Variants in SETDB1 observed in about 807,000 individuals in gnomAD.
SETDB1 encodes the protein histone-lysine N-methyltransferase SETDB1.
Under a neutral mutation model 137.4 loss-of-function variants are expected in SETDB1, and 31 were observed. That is an observed-to-expected ratio of 0.23 (90% CI 0.17 to 0.30). The LOEUF (loss-of-function observed/expected upper bound fraction) is 0.30, where lower values mean the gene tolerates loss of function less well. SETDB1 is among the 10% of genes least tolerant of loss of function. The pLI, the probability that SETDB1 is intolerant of heterozygous loss-of-function variation, is 1.00. For missense variants in SETDB1, 1,113 were observed against 1,631.5 expected, an observed-to-expected ratio of 0.68 and a Z score of 5.47; for synonymous variants, 548 against 579.9, an observed-to-expected ratio of 0.95 and a Z score of 0.79.
intron 19 of SETDB1, 65 bp from the exon 20 acceptor site, chr1:150,963,465 A>T: frequency 7.7e-7 from 1 of 1,307,076 alleles, no homozygotes; most frequent in Non-Finnish European, 1.1e-6. Flanking sequence ...TAGAATGTCC[A>T]TTCATGATAG....
At chr1:150,943,609 G>T (rs1174759060) in intron 7 of SETDB1, among the ~76,000 whole-genome samples, 2 of 152,216 alleles carry the variant, frequency 1.3e-5, no homozygotes, top group East Asian at 3.8e-4. Flanking sequence ...CTGGGAGGCA[G>T]TGGTTGCCAT....
intron 3 of SETDB1, among the ~76,000 whole-genome samples, chr1:150,933,642 G>A (rs983690146): frequency 4.0e-5 from 6 of 151,830 alleles, no homozygotes; most frequent in Non-Finnish European, 8.8e-5. Flanking sequence ...CTCTCAAAGT[G>A]CTAGAATTAC....
intron 1 of SETDB1, 69 bp downstream of exon 1, chr1:150,926,586 G>T (rs587742878): frequency 2.5e-6 from 1 of 400,666 alleles, no homozygotes; most frequent in South Asian, 1.8e-5. Context: ...TGTGGGAGGG[G>T]GTCGGGCGAG....
At chr1:150,946,159 A>G (rs1039549326) in intron 9 of SETDB1, among the ~76,000 whole-genome samples, 5 of 152,012 alleles carry the variant, frequency 3.3e-5, no homozygotes, top group East Asian at 1.9e-4. Context: ...AGCTGTGACT[A>G]CAAGTGCATG....
rs985302496 is a variant in SETDB1, at chr1:150,959,220, G to A, written c.2376G>A (p.Met792Ile). 6.3e-7 allele frequency: 1 copy of A among 1,598,228 alleles called. No homozygotes were observed. The highest frequency in any genetic ancestry group is 1.1e-5 in the South Asian group (1 of 87,350). Residue 792 changes from methionine (M) to isoleucine (I), a missense_variant, in exon 15 of 22, where the codon ATG becomes ATA. Around this residue, in one of 11 missense-constraint regions of SETDB1, gnomAD observed 81 missense variants for 123.4 expected, o/e 0.66. Coordinates refer to ENST00000692827, the MANE Select transcript of SETDB1 (RefSeq NM_001366418.1). ...AACGCTGCAAATGTGACCCAAACAT[G>A]TGCACAAACCGGTTGGTGCAACATG... ...CNKRCKCDPN[M>I]CTNRLVQHGL...
chr1:150,960,669 A>T lies in SETDB1; in HGVS notation c.2610A>T (p.Gly870=), dbSNP rs202176971. ...HIESVENFKE[G]YESDAPCSSD... is the part of the protein sequence containing the mutation. Reference sequence around the variant, plus strand: ...AGAGCGTGGAGAACTTCAAAGAAGGATATGAGAGTGATGCCCCCTGTTCCT... The same window carrying T: ...AGAGCGTGGAGAACTTCAAAGAAGGTTATGAGAGTGATGCCCCCTGTTCCT... Residue 870 remains glycine, a synonymous_variant, in exon 16 of 22, where the codon GGA becomes GGT. Coordinates refer to ENST00000692827, the MANE Select transcript of SETDB1 (RefSeq NM_001366418.1). 13 of 1,613,500 alleles carry T rather than the reference A, an allele frequency of 8.1e-6. No homozygotes were observed. The South Asian group carries it at 9.9e-5, about 12-fold the overall frequency.
chr1:150,945,387 A>T, intron 9 of SETDB1: 2 of 1,061,660 alleles, frequency 1.9e-6, no homozygotes, highest in Non-Finnish European at 2.5e-6. Context: ...AGGTACAGAA[A>T]GGGCAGCCAA....
At chr1:150,947,766 C>G (rs1364405177) in intron 10 of SETDB1, among the ~76,000 whole-genome samples, 1 of 152,066 alleles carries the variant, frequency 6.6e-6, no homozygotes, top group Non-Finnish European at 1.5e-5. Context: ...CAGAACGAGA[C>G]CCTGTCTCAG....
At position 150,950,428 on chromosome 1, in the gene SETDB1, C is replaced by T; in HGVS notation, c.1584-30C>T. 5 of 1,534,374 alleles carry T rather than the reference C, an allele frequency of 3.3e-6. No individual in the cohort carries two copies. In the Admixed American group the frequency reaches 8.5e-5, roughly 26 times the overall value. ...TATAAAACAGAGGTCCTGTTGCCTTCCGATCTGATCACTTGCATCTCATTT... is the reference window on the plus strand; with the variant it reads ...TATAAAACAGAGGTCCTGTTGCCTTTCGATCTGATCACTTGCATCTCATTT... On this transcript the variant is annotated intron_variant, in intron 12 of 21. Transcript: ENST00000692827.
At position 150,927,769 on chromosome 1, in the gene SETDB1, T is replaced by C; in HGVS notation, c.55T>C (p.Ser19Pro). 1 of 1,614,080 alleles carries C rather than the reference T, an allele frequency of 6.2e-7. No individual in the cohort carries two copies. Among genetic ancestry groups the C allele is most frequent in the Non-Finnish European group, 8.5e-7 (1 of 1,180,000 alleles). ...GLDAATATVE[S>P]EEIAELQQAV... ...GGATGCAGCAACAGCTACAGTGGAG[T>C]CTGAAGAGATTGCAGAGCTGCAACA... is the stretch of plus-strand genomic sequence containing the variant. The change falls in exon 2 of 22, where the codon TCT (serine) becomes CCT (proline). Residue 19 changes from serine (S) to proline (P), a missense_variant. By Grantham distance (74) the Ser-to-Pro change is moderately conservative (BLOSUM62 -1). Coordinates refer to ENST00000692827, the MANE Select transcript of SETDB1 (RefSeq NM_001366418.1).
chr1:150,930,654 A>G (rs1031192802), intron 3 of SETDB1, among the ~76,000 whole-genome samples: 4 of 145,778 alleles, frequency 2.7e-5, no homozygotes, highest in African/African-American at 7.7e-5. Flanking sequence ...CGACCTCCCA[A>G]CTAGCTGGGA....
At chr1:150,959,052 C>A in intron 14 of SETDB1, 126 bp from the exon 15 acceptor site, 1 of 660,554 alleles carries the variant, frequency 1.5e-6, no homozygotes, top group Admixed American at 4.2e-5. Context: ...AGATCATTAC[C>A]TAATTTTTAA....
At position 150,960,863 on chromosome 1, in the gene SETDB1, A is replaced by G. The variant is rs766637087; in HGVS notation, c.2804A>G (p.Gln935Arg). 6.2e-7 allele frequency: 1 copy of G among 1,607,610 alleles called. No individual in the cohort carries two copies. Among genetic ancestry groups the G allele is most frequent in the South Asian group, 1.1e-5 (1 of 90,062 alleles). The change falls in exon 16 of 22, where the codon CAG (glutamine) becomes CGG (arginine). Residue 935 changes from glutamine (Q) to arginine (R), a missense_variant. By Grantham distance (43) the Gln-to-Arg change is conservative. Around this residue, in one of 11 missense-constraint regions of SETDB1, gnomAD observed 373 missense variants for 412.7 expected, o/e 0.90. Transcript: ENST00000692827. ...GCTACCCGGAGGCAGACCCGGGGCC[A>G]GAAAGAGAACGGACTCTCTGAGACA... ...SYATRRQTRG[Q>R]KENGLSETTS... is the part of the protein sequence containing the mutation.
chr1:150,940,619 G>A (rs1186770999), intron 4 of SETDB1, among the ~76,000 whole-genome samples: 2 of 151,510 alleles, frequency 1.3e-5, no homozygotes, highest in Non-Finnish European at 1.5e-5. Context: ...TGTAATCCCA[G>A]CACTTTGGGA....
intron 14 of SETDB1, 44 bp from the exon 15 acceptor site, chr1:150,959,134 C>A (rs769026891): frequency 3.1e-5 from 43 of 1,401,598 alleles, no homozygotes; most frequent in Non-Finnish European, 3.6e-5. Context: ...TTTTTGTGCT[C>A]TAGTGATCAT....
chr1:150,960,235 A>G (rs1237343871), intron 15 of SETDB1, among the ~76,000 whole-genome samples: 1 of 151,884 alleles, frequency 6.6e-6, no homozygotes, highest in Admixed American at 6.6e-5. Flanking sequence ...ACACTGTGGG[A>G]GGCTGAGGCG....
rs587698795 is a variant in SETDB1 at position 150,940,283 on chromosome 1, G to A, written c.447+309G>A. Among the ~76,000 whole-genome samples, 16 of 151,784 alleles carry A rather than the reference G, an allele frequency of 1.1e-4. 2 individuals are homozygous for A. In the South Asian group the frequency reaches 3.1e-3, roughly 30 times the overall value. On this transcript the variant is annotated intron_variant, in intron 4 of 21. Transcript: ENST00000692827. ...TAGGTTTCTAAGCAAGGGCAGCTTTGGGCTGGGCACATTGGCTCACGACTG... is the reference window on the plus strand; with the variant it reads ...TAGGTTTCTAAGCAAGGGCAGCTTTAGGCTGGGCACATTGGCTCACGACTG...
At chr1:150,957,373 T>C (rs587688686) in intron 14 of SETDB1, among the ~76,000 whole-genome samples, 12 of 152,256 alleles carry the variant, frequency 7.9e-5, no homozygotes, top group African/African-American at 2.9e-4. Flanking sequence ...GCTTTAAGGA[T>C]AGAATATGTA....
In SETDB1 at chr1:150,950,601, C is replaced by T; in HGVS notation, c.1727C>T (p.Pro576Leu). Reference protein sequence around the residue: ...RAPMEKLFYLPHVCSYTCLSR... With the variant: ...RAPMEKLFYLLHVCSYTCLSR... ...CCCATGGAGAAGCTTTTCTACTTAC[C>T]TCATGTCTGCAGCTATACCTGTCTG... Residue 576 changes from proline (P) to leucine (L), a missense_variant, in exon 13 of 22, where the codon CCT (proline) becomes CTT (leucine). Coordinates refer to ENST00000692827, the MANE Select transcript of SETDB1 (RefSeq NM_001366418.1). 6.2e-7 allele frequency: 1 copy of T among 1,614,178 alleles called. No homozygotes were observed. The highest frequency in any genetic ancestry group is 8.5e-7 in the Non-Finnish European group (1 of 1,180,040).
Sources: allele counts gnomAD v4.1 joint callset (sites outside exome capture counted in the v4.1 genomes callset), GRCh38; gene constraint gnomAD v4.1.1; regional missense constraint gnomAD v4.1.1; transcripts MANE v1.5; gene names NCBI Gene and HGNC (gene_info 2026-07-23, HGNC 2026-07-21).